The following ROBO2 variants were observed in gnomAD, a reference collection of about 807,000 sequenced individuals.
ROBO2 encodes roundabout guidance receptor 2.
In ROBO2, 53 loss-of-function variants were observed where a neutral mutation model predicts 160.8. The ratio of observed to expected loss-of-function variants is 0.33; its 90% CI spans 0.26 to 0.41. The LOEUF is 0.41. ROBO2 is among the 10% of genes least tolerant of loss of function. The pLI, the probability that ROBO2 is intolerant of heterozygous loss-of-function variation, is 1.00. For missense variants in ROBO2, 1,577 were observed against 1,722.4 expected (o/e 0.92, Z 1.49); for synonymous variants, 664 against 611.7 (o/e 1.09, Z -1.26).
intron 2 of ROBO2, among the ~76,000 whole-genome samples, chr3:76,573,342 A>G (rs1394560962): frequency 1.3e-5 from 2 of 152,042 alleles, no homozygotes; most frequent in African/African-American, 4.8e-5. Context: ...GCCCTTTTGA[A>G]GTTCAATCAG....
chr3:76,619,187 A>C (rs1268600908), intron 2 of ROBO2, among the ~76,000 whole-genome samples: 1 of 151,610 alleles, frequency 6.6e-6, no homozygotes, highest in Admixed American at 6.6e-5. Flanking sequence ...AAAAATACAA[A>C]AAATTAGCCG....
At chr3:76,696,093 A>G (rs988470816) in intron 2 of ROBO2, among the ~76,000 whole-genome samples, 1 of 152,120 alleles carries the variant, frequency 6.6e-6, no homozygotes, top group Non-Finnish European at 1.5e-5. Flanking sequence ...CCAGTTTCAA[A>G]TATATTTAAT....
chr3:77,607,895 A>G (rs770792851), exon 21 of ROBO2: 3 of 1,613,526 alleles, frequency 1.9e-6, no homozygotes, highest in East Asian at 2.2e-5. Flanking sequence ...CTCCCCCCCC[A>G]GTCCAGCCCC....
At chr3:77,314,210 AG>A (rs1407576745) in intron 2 of ROBO2, among the ~76,000 whole-genome samples, 2 of 152,194 alleles carry the variant, frequency 1.3e-5, no homozygotes, top group Non-Finnish European at 2.9e-5. Context: ...TTCTGGAAGG[AG>A]GGGACCACCA....
intron 1 of ROBO2, among the ~76,000 whole-genome samples, chr3:77,051,797 T>A (rs2065254503): frequency 6.6e-6 from 1 of 152,080 alleles, no homozygotes; most frequent in South Asian, 2.1e-4. Context: ...GGAGGGGCAA[T>A]CTCCCTGAAC....
intron 2 of ROBO2, among the ~76,000 whole-genome samples, chr3:77,031,711 A>C (rs941173616): frequency 2.0e-5 from 3 of 147,140 alleles, no homozygotes; most frequent in Admixed American, 6.8e-5. Context: ...ATACATTATA[A>C]TTATATTATT....
chr3:76,782,630 A>G lies in ROBO2; in HGVS notation c.110-315384A>G, dbSNP rs555420419. ...ACTCATGACTTTGTTCTTTTGTAAT[A>G]ACTTTCTTTGTCCCATTTTACAGTT... is the stretch of plus-strand genomic sequence containing the variant. On this transcript the variant is annotated intron_variant, in intron 2 of 26. Coordinates refer to the ROBO2 transcript ENST00000487694. Among the ~76,000 whole-genome samples the G allele has an allele frequency of 4.6e-5, 7 of 150,834 alleles. No individual in the cohort carries two copies. The East Asian group carries it at 1.4e-3, about 30-fold the overall frequency.
At chr3:76,699,275 G>A (rs1420570344) in intron 2 of ROBO2, among the ~76,000 whole-genome samples, 3 of 152,082 alleles carry the variant, frequency 2.0e-5, no homozygotes, top group African/African-American at 4.8e-5. Context: ...CAGGTCTGTT[G>A]AATAAACAAA....
intron 8 of ROBO2, among the ~76,000 whole-genome samples, chr3:77,557,641 T>C (rs912276008): frequency 2.0e-5 from 3 of 151,952 alleles, no homozygotes; most frequent in Non-Finnish European, 4.4e-5. Context: ...AGCCTTTTTA[T>C]ACAATTAAGT....
intron 2 of ROBO2, among the ~76,000 whole-genome samples, chr3:76,091,289 A>G (rs2069221634): frequency 6.6e-6 from 1 of 152,222 alleles, no homozygotes; most frequent in African/African-American, 2.4e-5. Flanking sequence ...CCGACACCTC[A>G]CTAAAGAAGA....
intron 2 of ROBO2, among the ~76,000 whole-genome samples, chr3:77,344,262 AT>A (rs1581207721): frequency 1.3e-5 from 2 of 152,128 alleles, no homozygotes; most frequent in South Asian, 2.1e-4. Flanking sequence ...TATCAAAAAT[AT>A]TTTTTTCTTA....
intron 2 of ROBO2, among the ~76,000 whole-genome samples, chr3:76,452,218 G>A (rs2077510236): frequency 1.3e-5 from 2 of 151,668 alleles, no homozygotes; most frequent in Admixed American, 1.3e-4. Context: ...GGGTACATGT[G>A]CACAATGTGT....
intron 2 of ROBO2, among the ~76,000 whole-genome samples, chr3:77,324,760 C>T (rs971174105): frequency 7.5e-6 from 1 of 134,164 alleles, no homozygotes; most frequent in Non-Finnish European, 1.5e-5. Context: ...CCAGCCTAGG[C>T]GACAGAGAGA....
chr3:76,502,273 C>G (rs2080501561), intron 2 of ROBO2, among the ~76,000 whole-genome samples: 1 of 152,136 alleles, frequency 6.6e-6, no homozygotes, highest in Non-Finnish European at 1.5e-5. Flanking sequence ...AGTTTCATTT[C>G]ATTGCCTGTC....
intron 2 of ROBO2, among the ~76,000 whole-genome samples, chr3:77,198,456 G>A (rs1343132922): frequency 6.6e-6 from 1 of 152,158 alleles, no homozygotes; most frequent in African/African-American, 2.4e-5. Flanking sequence ...CCGGTGGCTG[G>A]AGAGCAGTGA....
chr3:77,276,998 A>G lies in ROBO2; in HGVS notation c.388+178658A>G, dbSNP rs1300830252. On this transcript the variant is annotated intron_variant, in intron 2 of 25. Transcript: ENST00000461745. Reference sequence around the variant, plus strand: ...CTTCACCTGGCCCTGCCCTTGACTCATGGGGATTATTGCAATTCAAGGTGA... The same window carrying G: ...CTTCACCTGGCCCTGCCCTTGACTCGTGGGGATTATTGCAATTCAAGGTGA... Among the ~76,000 whole-genome samples, 3 of 152,108 alleles carry G rather than the reference A, an allele frequency of 2.0e-5. No individual in the cohort carries two copies. In the South Asian group the frequency reaches 6.2e-4, roughly 32 times the overall value.
chr3:76,959,343 C>T (rs1435354380), intron 2 of ROBO2, among the ~76,000 whole-genome samples: 1 of 152,176 alleles, frequency 6.6e-6, no homozygotes, highest in Non-Finnish European at 1.5e-5. Context: ...AGTGCACTAA[C>T]ATCTCTATTT....
chr3:76,118,985 C>T (rs77419457), intron 2 of ROBO2, among the ~76,000 whole-genome samples: 8,542 of 152,116 alleles, frequency 0.056, 513 homozygotes, highest in African/African-American at 0.13. Flanking sequence ...AATCATCTAG[C>T]TGTAGGTAAA....
At chr3:77,360,898 AT>A (rs113680665) in intron 2 of ROBO2, among the ~76,000 whole-genome samples, 1,662 of 149,588 alleles carry the variant, frequency 0.011, 16 homozygotes, top group Middle Eastern at 0.018. Flanking sequence ...TTTTGTTTGC[AT>A]TTTTTTTTTC....
Sources: allele counts gnomAD v4.1 joint callset (sites outside exome capture counted in the v4.1 genomes callset), GRCh38; gene constraint gnomAD v4.1.1; transcripts MANE v1.5; gene names NCBI Gene and HGNC (gene_info 2026-07-23, HGNC 2026-07-21).